The following WBP2NL variants were observed in gnomAD, a reference collection of about 807,000 sequenced individuals.
The protein encoded by WBP2NL is postacrosomal sheath WW domain-binding protein.
A neutral mutation model predicts 23.3 loss-of-function variants in WBP2NL; 27 were observed. The observed-to-expected ratio is 1.16, with a 90% CI of 0.85 to 1.60. The LOEUF (loss-of-function observed/expected upper bound fraction) is 1.60, where lower values mean the gene tolerates loss of function less well. WBP2NL is among the 40% of genes most tolerant of loss of function. The probability of loss-of-function intolerance (pLI) is 0.00; values close to 1 mark genes in which losing one functional copy is unlikely to be tolerated. For synonymous variants in WBP2NL, 151 were observed against 145.9 expected, an observed-to-expected ratio of 1.03 and a Z score of -0.25; for missense variants, 370 against 389.5, an observed-to-expected ratio of 0.95 and a Z score of 0.42.
At chr22:42,051,155 G>C (rs565805476) in intron 8 of WBP2NL, among the ~76,000 whole-genome samples, 1 of 152,184 alleles carries the variant, frequency 6.6e-6, no homozygotes, top group Non-Finnish European at 1.5e-5. Flanking sequence ...ATTCATTTAA[G>C]CACATTGCTT....
intron 5 of WBP2NL, 128 bp downstream of exon 5, chr22:42,022,484 C>T (rs1177904205): frequency 2.4e-6 from 2 of 817,682 alleles, no homozygotes; most frequent in African/African-American, 1.8e-5. Context: ...AAAATGGTCA[C>T]ATCTGTGACT....
chr22:42,045,633 T>G (rs1011726256), intron 8 of WBP2NL, among the ~76,000 whole-genome samples: 1 of 152,190 alleles, frequency 6.6e-6, no homozygotes, highest in Non-Finnish European at 1.5e-5. Flanking sequence ...TGAAATGGAC[T>G]AATTCCTTGA....
intron 1 of WBP2NL, among the ~76,000 whole-genome samples, chr22:42,009,477 T>C (rs1296901460): frequency 6.6e-6 from 1 of 152,190 alleles, no homozygotes; most frequent in East Asian, 1.9e-4. Flanking sequence ...CCATTTTGAG[T>C]TAATTTTTGC....
chr22:42,012,183 T>G (rs1396890106), intron 1 of WBP2NL, among the ~76,000 whole-genome samples: 3 of 152,150 alleles, frequency 2.0e-5, no homozygotes, highest in Non-Finnish European at 4.4e-5. Context: ...TAAATTTTTT[T>G]TCTTATTTTT....
At chr22:42,039,456 G>C (rs747684786) in intron 8 of WBP2NL, among the ~76,000 whole-genome samples, 6 of 150,500 alleles carry the variant, frequency 4.0e-5, no homozygotes, top group Non-Finnish European at 7.4e-5. Context: ...GCGTTCCAAA[G>C]TACTGTGATC....
At chr22:42,021,391 C>T (rs1923961912) in intron 4 of WBP2NL, among the ~76,000 whole-genome samples, 1 of 152,104 alleles carries the variant, frequency 6.6e-6, no homozygotes, top group African/African-American at 2.4e-5. Flanking sequence ...ATAATGGATC[C>T]CCAGATATAT....
At chr22:42,056,294 A>G (rs1926025405) in intron 8 of WBP2NL, among the ~76,000 whole-genome samples, 3 of 152,048 alleles carry the variant, frequency 2.0e-5, no homozygotes, top group Admixed American at 2.0e-4. Context: ...TGCTTCTTAT[A>G]TAGCTGTTCC....
In WBP2NL at chr22:42,001,671, G is replaced by C. The variant is rs1457784730; in HGVS notation, c.62+2791G>C. 13 of 1,207,244 alleles carry C rather than the reference G, an allele frequency of 1.1e-5. No individual in the cohort carries two copies. The Admixed American group carries it at 2.2e-4, about 20-fold the overall frequency. 74.8% of individuals were successfully genotyped at this position (1,207,244 alleles called of 1,614,324 possible). ...TGGGATCTCTTGTCCACACCATCCA[G>C]GAAGATCTGCTTGTATTTATCTTTG... On this transcript the variant is annotated intron_variant, in intron 1 of 5. Transcript: ENST00000328823.
chr22:42,012,038 A>G (rs1179461854), intron 1 of WBP2NL, among the ~76,000 whole-genome samples: 2 of 151,838 alleles, frequency 1.3e-5, no homozygotes, highest in African/African-American at 4.8e-5. Flanking sequence ...TGGCCTCCCA[A>G]AGTGCTGGGA....
chr22:42,021,002 C>T (rs560755249), intron 4 of WBP2NL, among the ~76,000 whole-genome samples: 2 of 141,960 alleles, frequency 1.4e-5, no homozygotes, highest in Non-Finnish European at 3.0e-5. Context: ...TCACTGCAAC[C>T]TCCACCTCCC....
At chr22:42,008,687 A>G (rs910333690) in intron 1 of WBP2NL, among the ~76,000 whole-genome samples, 4 of 152,036 alleles carry the variant, frequency 2.6e-5, no homozygotes, top group Non-Finnish European at 4.4e-5. Context: ...AGCTCACTGC[A>G]ACCTCTGCCT....
At chr22:42,037,586 AT>A (rs1602475896), downstream of WBP2NL, among the ~76,000 whole-genome samples, 1 of 152,158 alleles carries the variant, frequency 6.6e-6, no homozygotes, top group East Asian at 1.9e-4. Flanking sequence ...TGAACATGAG[AT>A]GTCTTTCCAC....
intron 2 of WBP2NL, 22 bp downstream of exon 2, chr22:42,019,441 A>G: frequency 3.7e-6 from 6 of 1,603,028 alleles, no homozygotes; most frequent in Non-Finnish European, 5.1e-6. Context: ...TTCTACTTTA[A>G]TCTGCTGATT....
chr22:42,045,906 T>G (rs1925568809), intron 8 of WBP2NL, among the ~76,000 whole-genome samples: 1 of 152,242 alleles, frequency 6.6e-6, no homozygotes, highest in Admixed American at 6.5e-5. Flanking sequence ...GACATCTTAA[T>G]TGGTGAAAGT....
downstream of WBP2NL, among the ~76,000 whole-genome samples, chr22:42,034,381 C>T (rs1276712036): frequency 6.6e-6 from 1 of 152,052 alleles, no homozygotes; most frequent in Admixed American, 6.5e-5. Context: ...TCTGTGATGC[C>T]CCACAAGCCA....
chr22:42,021,129 AG>A (rs1466505219), intron 4 of WBP2NL, among the ~76,000 whole-genome samples: 2 of 151,330 alleles, frequency 1.3e-5, no homozygotes, highest in African/African-American at 4.9e-5. Context: ...CATGTTGGTC[AG>A]GCTGGTCTCG....
At chr22:42,038,759 C>T (rs1244490830) in intron 8 of WBP2NL, among the ~76,000 whole-genome samples, 1 of 151,962 alleles carries the variant, frequency 6.6e-6, no homozygotes, top group Admixed American at 6.6e-5. Context: ...CCTGCCATCA[C>T]GCCCAGCTAA....
intron 8 of WBP2NL, among the ~76,000 whole-genome samples, chr22:42,057,688 C>T (rs1019623209): frequency 3.3e-5 from 5 of 150,388 alleles, no homozygotes; most frequent in South Asian, 2.1e-4. Flanking sequence ...TTCAGTAGTT[C>T]GTACTGGACT....
chr22:42,034,949 C>A (rs1925126051), downstream of WBP2NL, among the ~76,000 whole-genome samples: 1 of 152,176 alleles, frequency 6.6e-6, no homozygotes. Context: ...ATTGCTCAAA[C>A]ACATATGCTG....
Sources: gnomAD v4.1 joint callset for allele counts (sites outside exome capture counted in the v4.1 genomes callset) on GRCh38, gnomAD v4.1.1 for gene constraint, MANE v1.5 for transcripts, NCBI Gene and HGNC (gene_info 2026-07-23, HGNC 2026-07-21) for gene names.